RARS2: variants seen among roughly 807,000 people sequenced by gnomAD.
RARS2 encodes probable arginine--tRNA ligase, mitochondrial.
Under a neutral mutation model 88.5 loss-of-function variants are expected in RARS2, and 67 were observed. The observed-to-expected ratio is 0.76, with a 90% confidence interval of 0.62 to 0.93. The LOEUF (loss-of-function observed/expected upper bound fraction) is 0.93, where lower values mean the gene tolerates loss of function less well. RARS2 is among the 40% of genes least tolerant of loss of function. RARS2 has a pLI of 0.00. For missense variants in RARS2, 664 were observed against 684.2 expected (o/e 0.97, Z 0.33); for synonymous variants, 239 against 230.3 (o/e 1.04, Z -0.34).
At chr6:87,518,475 A>ATTT in intron 16 of RARS2, 155 bp downstream of exon 16, 1 of 1,079,742 alleles carries the variant, frequency 9.3e-7, no homozygotes, top group Non-Finnish European at 1.2e-6. Context: ...TGCTCAATAA[A>ATTT]TTTTTTTTTT....
At chr6:87,552,407 C>T (rs1288171724) in intron 5 of RARS2, among the ~76,000 whole-genome samples, 1 of 152,162 alleles carries the variant, frequency 6.6e-6, no homozygotes, top group Non-Finnish European at 1.5e-5. Flanking sequence ...GCAATGGTCT[C>T]ACAACAATGC....
intron 1 of RARS2, among the ~76,000 whole-genome samples, chr6:87,572,546 T>A (rs141427336): frequency 5.6e-4 from 85 of 152,286 alleles, no homozygotes; most frequent in Middle Eastern, 3.4e-3. Flanking sequence ...AGCTACTTAA[T>A]AATTTCTTCT....
intron 3 of RARS2, among the ~76,000 whole-genome samples, chr6:87,563,824 G>A (rs1249173975): frequency 1.3e-5 from 2 of 152,102 alleles, no homozygotes; most frequent in Non-Finnish European, 2.9e-5. Context: ...AATTTATCAA[G>A]CTTGTTCTCC....
At chr6:87,536,733 C>A (rs7750775) in intron 8 of RARS2, among the ~76,000 whole-genome samples, 9,381 of 151,742 alleles carry the variant, frequency 0.062, 345 homozygotes, top group African/African-American at 0.11. Context: ...CAAATGTTTT[C>A]CTGAATCACT....
Position 87,527,201 on chromosome 6 carries a change from T to C in RARS2, c.878+2341A>G, listed in dbSNP as rs370733217. On this transcript the variant is annotated intron_variant, in intron 10 of 19. Transcript: ENST00000369536. ...GCACGCGCTTGTAATCCCAGCTACTTGGGAGGCTGAGGCAGGAGATTCGCT... is the reference window on the plus strand; with the variant it reads ...GCACGCGCTTGTAATCCCAGCTACTCGGGAGGCTGAGGCAGGAGATTCGCT... Among the ~76,000 whole-genome samples the C allele has an allele frequency of 4.9e-4, 75 of 151,880 alleles. 1 individual carries two copies. Among genetic ancestry groups the C allele is most frequent in the African/African-American group, 1.8e-3 (74 of 41,478 alleles).
At chr6:87,575,224 A>AGC (rs1184228736) in intron 1 of RARS2, among the ~76,000 whole-genome samples, 4 of 84,898 alleles carry the variant, frequency 4.7e-5, no homozygotes, top group Admixed American at 2.7e-4. Flanking sequence ...AAAAATAGAA[A>AGC]GCACACACAC....
chr6:87,547,031 G>A (rs1196946803), intron 6 of RARS2, among the ~76,000 whole-genome samples: 1 of 152,186 alleles, frequency 6.6e-6, no homozygotes, highest in South Asian at 2.1e-4. Flanking sequence ...TGTTGGGAAA[G>A]TTACTTTTGG....
intron 1 of RARS2, among the ~76,000 whole-genome samples, chr6:87,580,038 T>C (rs746212932): frequency 7.9e-5 from 12 of 152,114 alleles, no homozygotes; most frequent in Non-Finnish European, 1.3e-4. Context: ...CGCCCCAGGC[T>C]TGGAGCATGG....
At chr6:87,529,780 G>A (rs1419173554) in intron 9 of RARS2, 132 bp from the exon 10 acceptor site, 3 of 691,630 alleles carry the variant, frequency 4.3e-6, no homozygotes, top group Admixed American at 2.1e-5. Context: ...CAAGGGCTGA[G>A]TGTGGTGGCT....
intron 2 of RARS2, among the ~76,000 whole-genome samples, chr6:87,567,753 C>A (rs1768347245): frequency 6.6e-6 from 1 of 151,950 alleles, no homozygotes; most frequent in Non-Finnish European, 1.5e-5. Flanking sequence ...AATCTTGAGG[C>A]CCTCCCCAAT....
At chr6:87,561,386 T>C (rs1478096891) in intron 4 of RARS2, among the ~76,000 whole-genome samples, 1 of 152,224 alleles carries the variant, frequency 6.6e-6, no homozygotes, top group East Asian at 1.9e-4. Flanking sequence ...ATTATTTTAA[T>C]GTAAATTCTG....
chr6:87,524,689 T>C, intron 10 of RARS2, 37 bp from the exon 11 acceptor site: 1 of 1,438,460 alleles, frequency 7.0e-7, no homozygotes, highest in Non-Finnish European at 9.8e-7. Flanking sequence ...AGCAACATAA[T>C]AAATTCAGAC....
At position 87,579,555 on chromosome 6, in the gene RARS2, C is replaced by T. The variant is rs577582818; in HGVS notation, c.37-9965G>A. 3.4e-4 allele frequency among the ~76,000 whole-genome samples: 51 copies of T among 151,998 alleles called. 2 individuals carry two copies. The highest frequency in any genetic ancestry group is 1.6e-3 in the Admixed American group (24 of 15,250). On this transcript the variant is annotated intron_variant, in intron 1 of 19. Coordinates refer to ENST00000369536, the MANE Select transcript of RARS2 (RefSeq NM_020320.5). ...GTCTGCAGCTAGTGTTTAAGAACCA[C>T]GGCTTAGGGAGAGAGCAGTTGCCTC...
At chr6:87,552,458 TAGAC>T (rs1397602176) in intron 5 of RARS2, among the ~76,000 whole-genome samples, 3 of 152,276 alleles carry the variant, frequency 2.0e-5, no homozygotes, top group Admixed American at 1.3e-4. Flanking sequence ...TGCTAGGAGA[TAGAC>T]AGGCTCTGCC....
chr6:87,543,944 C>T (rs1781831953), intron 7 of RARS2, among the ~76,000 whole-genome samples: 1 of 152,186 alleles, frequency 6.6e-6, no homozygotes, highest in African/African-American at 2.4e-5. Flanking sequence ...ATTTAACATT[C>T]AGCCTAATAC....
Position 87,514,900 on chromosome 6 carries a change from T to G in RARS2, c.1650+57A>C, listed in dbSNP as rs1771040165. The G allele has an allele frequency of 3.2e-5, 45 of 1,386,640 alleles. No homozygotes were observed. In the South Asian group the frequency reaches 4.7e-4, roughly 15 times the overall value. The allele number at this position is 1,386,640 out of a possible 1,614,324, so 85.9% of individuals were successfully genotyped here. ...TTTAGAAAAATTTACAAGACTGACT[T>G]AGTAATATTAGTCTCAGGAGCTAGG... On this transcript the variant is annotated intron_variant, in intron 19 of 19. Transcript: ENST00000369536.
intron 7 of RARS2, among the ~76,000 whole-genome samples, chr6:87,542,969 T>TAA (rs56220766): frequency 7.1e-6 from 1 of 140,674 alleles, no homozygotes; most frequent in South Asian, 2.2e-4. Flanking sequence ...TATAAAATAA[T>TAA]AAAAAAAAAA....
rs1403620286 is a variant in RARS2 at position 87,529,668 on chromosome 6, A to G, written c.772-20T>C. The G allele has an allele frequency of 3.9e-6, 6 of 1,531,642 alleles. No individual in the cohort carries two copies. The highest frequency in any genetic ancestry group is 1.4e-5 in the African/African-American group (1 of 73,122). 94.9% of individuals were successfully genotyped at this position (1,531,642 alleles called of 1,614,324 possible). A position where few individuals can be genotyped will look rare whatever the true frequency, so the allele number is the denominator to read the frequency against. On this transcript the variant is annotated intron_variant, in intron 9 of 19. Transcript: ENST00000369536. ...CAGACGCTAAAAGAGTTCAGAAACA[A>G]AAAGACAAAGAAATGTTAATTGAAT... is the stretch of plus-strand genomic sequence containing the variant.
intron 4 of RARS2, among the ~76,000 whole-genome samples, chr6:87,558,639 G>T (rs1786781288): frequency 6.6e-6 from 1 of 152,116 alleles, no homozygotes; most frequent in Non-Finnish European, 1.5e-5. Context: ...GTTGCAGCAG[G>T]TCATAATGCC....
Sources: gnomAD v4.1 joint callset for allele counts (sites outside exome capture counted in the v4.1 genomes callset) on GRCh38, gnomAD v4.1.1 for gene constraint, MANE v1.5 for transcripts, NCBI Gene and HGNC (gene_info 2026-07-23, HGNC 2026-07-21) for gene names.